The following SHC2 variants were observed in gnomAD, a reference collection of about 807,000 sequenced individuals.
SHC2 encodes the protein SHC adaptor protein 2, also known as SHC-transforming protein 2.
A neutral mutation model predicts 60.6 loss-of-function variants in SHC2; 62 were observed. That is an observed-to-expected ratio of 1.02 (90% CI 0.83 to 1.26). The LOEUF is 1.26. Ranked by LOEUF, SHC2 falls within the 50% of genes most tolerant of loss-of-function variation. The probability of loss-of-function intolerance (pLI) is 0.00; values close to 1 mark genes in which losing one functional copy is unlikely to be tolerated. For synonymous variants in SHC2, 375 were observed against 372.4 expected, an observed-to-expected ratio of 1.01 and a Z score of -0.08; for missense variants, 873 against 822.2, an observed-to-expected ratio of 1.06 and a Z score of -0.76.
chr19:447,359 G>A (rs1415536729), intron 1 of SHC2, among the ~76,000 whole-genome samples: 1 of 152,272 alleles, frequency 6.6e-6, no homozygotes, highest in Non-Finnish European at 1.5e-5. Context: ...CATTTTGCCT[G>A]ACGGGAGCGT....
chr19:425,204 G>GCCTGCACGTAGCCGTCCC lies in SHC2; in HGVS notation c.1184_1201dup (p.Gly395_Gln400dup). The GCCTGCACGTAGCCGTCCC allele has an allele frequency of 7.5e-7, 1 of 1,340,188 alleles. No homozygotes were observed. The highest frequency in any genetic ancestry group is 9.7e-7 in the Non-Finnish European group (1 of 1,035,924). 83.0% of individuals were successfully genotyped at this position (1,340,188 alleles called of 1,614,324 possible). A position where few individuals can be genotyped will look rare whatever the true frequency, so the allele number is the denominator to read the frequency against. ...GTGGTCCGGGGGGCCCCGGGCGTCCGCCTGCACGTAGCCGTCCCCCGGTGG... is the reference window on the plus strand; with the variant it reads ...GTGGTCCGGGGGGCCCCGGGCGTCCGCCTGCACGTAGCCGTCCCCCTGCACGTAGCCGTCCCCCGGTGG... On this transcript the variant is annotated inframe_insertion, in exon 10 of 13. Coordinates refer to ENST00000264554, the MANE Select transcript of SHC2 (RefSeq NM_012435.3). This position sits in a 1 kb window ranked among gnomAD's most constrained non-coding sequence, Gnocchi z 4.1.
chr19:436,556 G>C (rs772125085), intron 5 of SHC2, 74 bp downstream of exon 5: 3 of 1,583,106 alleles, frequency 1.9e-6, no homozygotes, highest in East Asian at 4.5e-5. Context: ...GGCGGGCTCT[G>C]GGGAAGGATG....
chr19:435,260 A>C (rs1352097393), intron 7 of SHC2, among the ~76,000 whole-genome samples: 1 of 152,232 alleles, frequency 6.6e-6, no homozygotes, highest in Non-Finnish European at 1.5e-5. Context: ...TGGCACTGGC[A>C]GGAATTGATC....
intron 1 of SHC2, among the ~76,000 whole-genome samples, chr19:444,061 G>A (rs1974992888): frequency 6.8e-6 from 1 of 146,366 alleles, no homozygotes; most frequent in African/African-American, 2.5e-5. Context: ...GGATGGATGG[G>A]TGGGTGGATG....
intron 1 of SHC2, among the ~76,000 whole-genome samples, chr19:443,743 T>A (rs1281645090): frequency 7.2e-6 from 1 of 138,490 alleles, no homozygotes; most frequent in Non-Finnish European, 1.6e-5. Flanking sequence ...GGTGGATGGA[T>A]GGACGGATGG....
chr19:457,742 C>T (rs114541123), intron 1 of SHC2, among the ~76,000 whole-genome samples: 6,865 of 152,316 alleles, frequency 0.045, 380 homozygotes, highest in African/African-American at 0.13. Flanking sequence ...ATTCTAAATC[C>T]CACATCCACG....
Position 437,282 on chromosome 19 carries a change from G to A in SHC2, c.721-599C>T, listed in dbSNP as rs1974748844. ...TGCGTGCTCGTCTGCGTGCTCGTCT[G>A]TGTGCTCATCTGCGTGCTCGTCTGT... On this transcript the variant is annotated intron_variant, in intron 4 of 12. Coordinates refer to ENST00000264554, the MANE Select transcript of SHC2 (RefSeq NM_012435.3). Among the ~76,000 whole-genome samples the A allele has an allele frequency of 4.1e-5, 6 of 147,640 alleles. No homozygotes were observed. The South Asian group carries it at 1.0e-3, about 26-fold the overall frequency.
Position 430,670 on chromosome 19 carries a change from C to G in SHC2, c.1174+14G>C, listed in dbSNP as rs778526616. ...ATCCTCGTGGGTACCCCTTGCAGCC[C>G]CAGCCCATCCTACCTGTACCGGTGG... is the stretch of plus-strand genomic sequence containing the variant. On this transcript the variant is annotated intron_variant, in intron 9 of 12. Transcript: ENST00000264554. 3.0e-5 allele frequency: 49 copies of G among 1,611,568 alleles called. No homozygotes were observed. The African/African-American group carries it at 3.2e-4, about 11-fold the overall frequency.
intron 11 of SHC2, among the ~76,000 whole-genome samples, chr19:421,141 G>A (rs1283584441): frequency 1.3e-5 from 2 of 152,104 alleles, no homozygotes; most frequent in Non-Finnish European, 2.9e-5. Flanking sequence ...GCTCACGCCT[G>A]TAATCCCAGC....
chr19:458,535 A>G (rs1975438757), intron 1 of SHC2, among the ~76,000 whole-genome samples: 1 of 133,644 alleles, frequency 7.5e-6, no homozygotes, highest in East Asian at 2.3e-4. Context: ...GGGGAGGCGG[A>G]TTCGGGTTCC....
chr19:449,896 C>T (rs1975137551), intron 1 of SHC2, among the ~76,000 whole-genome samples: 1 of 152,206 alleles, frequency 6.6e-6, no homozygotes, highest in African/African-American at 2.4e-5. Flanking sequence ...CAATAGAATT[C>T]CAAACTTACA....
Position 429,275 on chromosome 19 carries a change from C to A in SHC2, c.1174+1409G>T, listed in dbSNP as rs1294338760. 2.7e-5 allele frequency among the ~76,000 whole-genome samples: 4 copies of A among 147,426 alleles called. No homozygotes were observed. The South Asian group carries it at 8.8e-4, about 32-fold the overall frequency. On this transcript the variant is annotated intron_variant, in intron 9 of 12. Transcript: ENST00000264554. ...CCCAACATGCACGGAAACCTCATAC[C>A]GTGTGGATGACGCAGTACCTATACC...
At chr19:443,329 G>A (rs1474254611) in intron 1 of SHC2, among the ~76,000 whole-genome samples, 19 of 149,094 alleles carry the variant, frequency 1.3e-4, no homozygotes, top group Non-Finnish European at 2.5e-4. Context: ...TGGATGGATG[G>A]ATGGGTGGAT....
chr19:450,302 AAG>A (rs1460122517), intron 1 of SHC2, among the ~76,000 whole-genome samples: 1 of 152,202 alleles, frequency 6.6e-6, no homozygotes, highest in Non-Finnish European at 1.5e-5. Context: ...CCCATGACGC[AAG>A]AGAGTGGCGC....
chr19:429,116 G>C (rs1196527868), intron 9 of SHC2, among the ~76,000 whole-genome samples: 1 of 147,710 alleles, frequency 6.8e-6, no homozygotes, highest in Non-Finnish European at 1.5e-5. Flanking sequence ...AACGTGCACG[G>C]AAACCTAACA....
intron 1 of SHC2, among the ~76,000 whole-genome samples, chr19:448,333 C>G (rs1975096940): frequency 6.6e-6 from 1 of 152,190 alleles, no homozygotes; most frequent in South Asian, 2.1e-4. Context: ...GCCTCGCTCC[C>G]TCTGAAGCCC....
intron 1 of SHC2, among the ~76,000 whole-genome samples, chr19:458,840 C>G (rs563224695): frequency 1.3e-4 from 19 of 151,002 alleles, no homozygotes; most frequent in African/African-American, 4.6e-4. Context: ...GAAGAGGGTT[C>G]CGGGGAGGCG....
At chr19:449,742 CG>C (rs1975134151) in intron 1 of SHC2, among the ~76,000 whole-genome samples, 1 of 152,020 alleles carries the variant, frequency 6.6e-6, no homozygotes, top group African/African-American at 2.4e-5. Context: ...GCCTGGGCAA[CG>C]AGAGCAAAAC....
chr19:447,061 T>G (rs999804654), intron 1 of SHC2, among the ~76,000 whole-genome samples: 1 of 152,232 alleles, frequency 6.6e-6, no homozygotes, highest in Non-Finnish European at 1.5e-5. Context: ...TAAAGGAAAT[T>G]GCAGGAAACA....
Sources: gnomAD v4.1 joint callset for allele counts (sites outside exome capture counted in the v4.1 genomes callset) on GRCh38, gnomAD v4.1.1 for gene constraint, Gnocchi (gnomAD v3.1) non-coding constraint, MANE v1.5 for transcripts, NCBI Gene and HGNC (gene_info 2026-07-23, HGNC 2026-07-21) for gene names.